The following HOMER1 variants were observed in gnomAD, a reference collection of about 807,000 sequenced individuals.
HOMER1 encodes homer scaffold protein 1, also known as homer protein homolog 1.
HOMER1 carries 3 observed loss-of-function variants against 48.9 expected under a neutral mutation model. The observed-to-expected ratio is 0.06, with a 90% CI of 0.03 to 0.16. HOMER1 has a LOEUF of 0.16. Among genes scored for constraint, HOMER1 ranks in the 10% least tolerant of loss-of-function variants. The pLI is 1.00. For synonymous variants in HOMER1, 134 were observed against 146.4 expected (o/e 0.92, Z 0.61); for missense variants, 247 against 411.4 (o/e 0.60, Z 3.46).
chr5:79,433,118 T>C (rs1375905695), intron 5 of HOMER1, among the ~76,000 whole-genome samples: 1 of 152,234 alleles, frequency 6.6e-6, no homozygotes, highest in African/African-American at 2.4e-5. Flanking sequence ...ATTATTTCTA[T>C]TCTAGTTTAT....
chr5:79,464,435 A>G (rs562325846), intron 1 of HOMER1, among the ~76,000 whole-genome samples: 16 of 152,226 alleles, frequency 1.1e-4, no homozygotes, highest in Non-Finnish European at 1.8e-4. Flanking sequence ...AATGAGAATG[A>G]CAAGGATAAG....
At chr5:79,484,927 GT>G (rs779420687) in intron 1 of HOMER1, among the ~76,000 whole-genome samples, 1 of 151,866 alleles carries the variant, frequency 6.6e-6, no homozygotes, top group Non-Finnish European at 1.5e-5. Flanking sequence ...ATTGCTCAAG[GT>G]TTTGAAAAAG....
intron 1 of HOMER1, among the ~76,000 whole-genome samples, chr5:79,474,471 C>T (rs568908946): frequency 9.2e-5 from 14 of 152,150 alleles, no homozygotes; most frequent in African/African-American, 3.1e-4. Flanking sequence ...ATTTAAAGTT[C>T]TCCCTTGAAT....
intron 8 of HOMER1, among the ~76,000 whole-genome samples, chr5:79,386,902 T>C (rs1749123539): frequency 6.6e-6 from 1 of 151,592 alleles, no homozygotes; most frequent in African/African-American, 2.4e-5. Flanking sequence ...ATCAGCTTAA[T>C]TTCCTTCCTT....
Position 79,407,784 on chromosome 5 carries a change from A to T in HOMER1, c.528-5729T>A, listed in dbSNP as rs116406627. ...GAAGACATAAAGGCTGAGTATTTTCAAAAAATAAAAGACATGAAACCACAG... is the reference window on the plus strand; with the variant it reads ...GAAGACATAAAGGCTGAGTATTTTCTAAAAATAAAAGACATGAAACCACAG... On this transcript the variant is annotated intron_variant, in intron 5 of 8. Transcript: ENST00000334082. 2.5e-3 allele frequency among the ~76,000 whole-genome samples: 387 copies of T among 152,334 alleles called. 3 individuals are homozygous for T. Among genetic ancestry groups the T allele is most frequent in the African/African-American group, 8.8e-3 (365 of 41,586 alleles).
At chr5:79,433,954 AT>A (rs1447461356) in intron 5 of HOMER1, among the ~76,000 whole-genome samples, 1 of 152,194 alleles carries the variant, frequency 6.6e-6, no homozygotes, top group Non-Finnish European at 1.5e-5. Flanking sequence ...CTTTAACAGA[AT>A]AGAAGGTACA....
chr5:79,502,847 G>C (rs1200370319), intron 1 of HOMER1, among the ~76,000 whole-genome samples: 1 of 152,182 alleles, frequency 6.6e-6, no homozygotes, highest in Non-Finnish European at 1.5e-5. Context: ...CTGGAGTGCA[G>C]TGGCGCAATC....
intron 5 of HOMER1, among the ~76,000 whole-genome samples, chr5:79,414,840 C>A (rs1749902221): frequency 6.6e-6 from 1 of 152,118 alleles, no homozygotes; most frequent in African/African-American, 2.4e-5. Flanking sequence ...CATAGCCTGG[C>A]ATGTCTGGAT....
intron 1 of HOMER1, among the ~76,000 whole-genome samples, chr5:79,476,467 T>C (rs1751781653): frequency 6.6e-6 from 1 of 152,110 alleles, no homozygotes; most frequent in Non-Finnish European, 1.5e-5. Flanking sequence ...CCCCCAAAAC[T>C]GCCCTCTCTT....
chr5:79,503,624 C>T (rs779708831), intron 1 of HOMER1, among the ~76,000 whole-genome samples: 3 of 151,118 alleles, frequency 2.0e-5, no homozygotes, highest in Non-Finnish European at 4.4e-5. Context: ...GTGGTTCACC[C>T]GAGGTCAGAA....
chr5:79,447,322 G>T lies in HOMER1; in HGVS notation c.295-177C>A, dbSNP rs146129312. Among the ~76,000 whole-genome samples, 418 of 152,230 alleles carry T rather than the reference G, an allele frequency of 2.7e-3. 1 individual carries two copies. Among genetic ancestry groups the T allele is most frequent in the African/African-American group, 9.4e-3 (392 of 41,530 alleles). On this transcript the variant is annotated intron_variant, in intron 3 of 8. Transcript: ENST00000334082. ...AGGAAATGAAACCTAATTCCAAACA[G>T]TTGTCTGTGCACTATGAAGTATTTT...
At chr5:79,511,912 C>A (rs932678401) in intron 1 of HOMER1, among the ~76,000 whole-genome samples, 18 of 152,200 alleles carry the variant, frequency 1.2e-4, no homozygotes, top group African/African-American at 3.9e-4. Context: ...TCTGGAAGTT[C>A]TTCTGCCAAA....
At chr5:79,452,085 C>A (rs1751044639) in intron 2 of HOMER1, among the ~76,000 whole-genome samples, 1 of 152,154 alleles carries the variant, frequency 6.6e-6, no homozygotes, top group Non-Finnish European at 1.5e-5. Flanking sequence ...ATAGTCAGCA[C>A]TGCAGAACCT....
At chr5:79,379,235 T>TTA (rs1491478576) in intron 8 of HOMER1, among the ~76,000 whole-genome samples, 7 of 68,340 alleles carry the variant, frequency 1.0e-4, no homozygotes, top group South Asian at 4.7e-4. Context: ...ATAATATATA[T>TTA]TATATATTAT....
intron 5 of HOMER1, among the ~76,000 whole-genome samples, chr5:79,418,275 G>A (rs921367384): frequency 1.3e-5 from 2 of 152,154 alleles, no homozygotes; most frequent in Non-Finnish European, 2.9e-5. Context: ...ATCAATAATA[G>A]CTTAGTCCAC....
chr5:79,412,988 T>C (rs1237497589), intron 5 of HOMER1, among the ~76,000 whole-genome samples: 2 of 152,196 alleles, frequency 1.3e-5, no homozygotes, highest in Non-Finnish European at 2.9e-5. Flanking sequence ...CTAAAGAATA[T>C]AATAACTGAA....
At chr5:79,414,726 C>T (rs1749899630) in intron 5 of HOMER1, among the ~76,000 whole-genome samples, 1 of 152,056 alleles carries the variant, frequency 6.6e-6, no homozygotes, top group African/African-American at 2.4e-5. Context: ...TAAATGCCAC[C>T]TCCTCTGGTC....
intron 8 of HOMER1, among the ~76,000 whole-genome samples, chr5:79,395,787 C>T (rs1749367549): frequency 6.6e-6 from 1 of 152,228 alleles, no homozygotes; most frequent in South Asian, 2.1e-4. Flanking sequence ...AAGTTAACCT[C>T]TCCAAGCTTC....
chr5:79,496,538 T>A (rs773528598), intron 1 of HOMER1, among the ~76,000 whole-genome samples: 4 of 152,076 alleles, frequency 2.6e-5, no homozygotes, highest in Non-Finnish European at 5.9e-5. Flanking sequence ...TCTTAGACAA[T>A]AGACCTCCCC....
Sources: gnomAD v4.1 joint callset for allele counts (sites outside exome capture counted in the v4.1 genomes callset) on GRCh38, gnomAD v4.1.1 for gene constraint, MANE v1.5 for transcripts, NCBI Gene and HGNC (gene_info 2026-07-23, HGNC 2026-07-21) for gene names.